Variants in SRRM4 observed in about 807,000 individuals in gnomAD.
SRRM4 encodes serine/arginine repetitive matrix protein 4.
SRRM4 carries 33 observed loss-of-function variants against 68.9 expected under a neutral mutation model. That is an observed-to-expected ratio of 0.48 (90% CI 0.36 to 0.64). The LOEUF is 0.64. Among genes scored for constraint, SRRM4 ranks in the 30% least tolerant of loss-of-function variants. SRRM4 has a pLI of 0.00. For missense variants in SRRM4, 817 were observed against 827.1 expected, an observed-to-expected ratio of 0.99 and a Z score of 0.15; for synonymous variants, 318 against 318.8, an observed-to-expected ratio of 1.00 and a Z score of 0.03.
intron 1 of SRRM4, among the ~76,000 whole-genome samples, chr12:119,078,736 G>C (rs143001774): frequency 6.6e-6 from 1 of 152,106 alleles, no homozygotes. Flanking sequence ...CCTGGGCAAT[G>C]TAGTGTGACC....
chr12:119,141,168 C>T (rs1954362751), intron 8 of SRRM4, among the ~76,000 whole-genome samples: 1 of 152,216 alleles, frequency 6.6e-6, no homozygotes, highest in Non-Finnish European at 1.5e-5. Context: ...GTCTCGAACT[C>T]CTGACCTCAA....
At chr12:119,092,958 A>G (rs1294101268) in intron 1 of SRRM4, among the ~76,000 whole-genome samples, 1 of 152,136 alleles carries the variant, frequency 6.6e-6, no homozygotes, top group Non-Finnish European at 1.5e-5. Flanking sequence ...TCTTCACTGC[A>G]TTCCATATGT....
At chr12:118,997,090 A>C (rs1377191530) in intron 1 of SRRM4, among the ~76,000 whole-genome samples, 1 of 152,170 alleles carries the variant, frequency 6.6e-6, no homozygotes, top group Non-Finnish European at 1.5e-5. Flanking sequence ...AAAAGGAAAA[A>C]CCCTTCAAGA....
chr12:119,099,394 G>A (rs1410844836), intron 1 of SRRM4, among the ~76,000 whole-genome samples: 8 of 151,876 alleles, frequency 5.3e-5, no homozygotes, highest in Non-Finnish European at 1.2e-4. Flanking sequence ...TCGGCCTCCC[G>A]AAGTGCTGGG....
In SRRM4 at chr12:119,154,369, C is replaced by T. The variant is rs762322042; in HGVS notation, c.1518C>T (p.Ala506=). Reference sequence around the variant, plus strand: ...GAGACTCCCCGAGCCACCTGGAGGCCCGGAGGATAACCAGGTGAGGCCAGG... The same window carrying T: ...GAGACTCCCCGAGCCACCTGGAGGCTCGGAGGATAACCAGGTGAGGCCAGG... ...RRRDSPSHLE[A]RRITSARKRP... Residue 506 remains alanine, a synonymous_variant, in exon 12 of 13, where the codon GCC becomes GCT. Coordinates refer to ENST00000267260, the MANE Select transcript of SRRM4 (RefSeq NM_194286.4). The surrounding 1 kb of genome is among the most constrained non-coding windows in gnomAD (Gnocchi z 4.7). The T allele has an allele frequency of 1.2e-6, 2 of 1,612,958 alleles. No individual in the cohort carries two copies. Among genetic ancestry groups the T allele is most frequent in the Non-Finnish European group, 8.5e-7 (1 of 1,179,760 alleles).
chr12:119,071,775 G>A (rs181271025), intron 1 of SRRM4, among the ~76,000 whole-genome samples: 6 of 152,146 alleles, frequency 3.9e-5, no homozygotes, highest in South Asian at 4.1e-4. Context: ...TCATCATGCC[G>A]CACGCCGTTG....
chr12:119,147,032 T>C (rs113155098), intron 9 of SRRM4, among the ~76,000 whole-genome samples: 2,498 of 152,328 alleles, frequency 0.016, 80 homozygotes, highest in African/African-American at 0.057. Context: ...CAGCTTTATT[T>C]GTAATTGCTA....
At chr12:119,088,356 C>G (rs1953992280) in intron 1 of SRRM4, among the ~76,000 whole-genome samples, 2 of 152,120 alleles carry the variant, frequency 1.3e-5, no homozygotes. Flanking sequence ...CATGCACCCC[C>G]CTCAACGGTG....
chr12:119,127,414 A>G (rs902922070), intron 7 of SRRM4, among the ~76,000 whole-genome samples: 4 of 152,110 alleles, frequency 2.6e-5, no homozygotes, highest in Non-Finnish European at 5.9e-5. Context: ...TTTCCCAAAT[A>G]AAGCAGAATA....
At chr12:119,013,738 T>C (rs1244901861) in intron 1 of SRRM4, among the ~76,000 whole-genome samples, 1 of 152,220 alleles carries the variant, frequency 6.6e-6, no homozygotes, top group African/African-American at 2.4e-5. Context: ...CAATATCCTA[T>C]TGATTTATAA....
chr12:119,100,791 G>A (rs1275474308), intron 1 of SRRM4, among the ~76,000 whole-genome samples: 2 of 152,174 alleles, frequency 1.3e-5, no homozygotes, highest in African/African-American at 4.8e-5. Context: ...AGATAAATGG[G>A]CAGAAGTAAA....
At chr12:118,999,702 T>C (rs139817476) in intron 1 of SRRM4, among the ~76,000 whole-genome samples, 544 of 152,320 alleles carry the variant, frequency 3.6e-3, no homozygotes, top group Non-Finnish European at 6.4e-3. Context: ...AATATTCTTA[T>C]AGCTATTTTG....
At chr12:118,992,635 C>T (rs1257552882) in intron 1 of SRRM4, among the ~76,000 whole-genome samples, 2 of 152,168 alleles carry the variant, frequency 1.3e-5, no homozygotes, top group East Asian at 1.9e-4. Flanking sequence ...GCTGCAGGAA[C>T]GAGAGGCCAT....
intron 1 of SRRM4, among the ~76,000 whole-genome samples, chr12:118,991,347 C>T (rs1283074006): frequency 6.6e-6 from 1 of 152,242 alleles, no homozygotes; most frequent in Non-Finnish European, 1.5e-5. Context: ...ACCTACTCCA[C>T]TTTCCAGAGC....
chr12:119,011,079 A>T (rs1197356921), intron 1 of SRRM4, among the ~76,000 whole-genome samples: 1 of 152,242 alleles, frequency 6.6e-6, no homozygotes, highest in Non-Finnish European at 1.5e-5. Flanking sequence ...ACAGCATCAC[A>T]TATGAAGAAG....
At chr12:118,999,482 C>G (rs1446771828) in intron 1 of SRRM4, among the ~76,000 whole-genome samples, 1 of 152,190 alleles carries the variant, frequency 6.6e-6, no homozygotes, top group African/African-American at 2.4e-5. Context: ...GGTGATTTAT[C>G]TTATCTGCAG....
At chr12:119,084,968 T>A (rs1274569490) in intron 1 of SRRM4, among the ~76,000 whole-genome samples, 2 of 152,246 alleles carry the variant, frequency 1.3e-5, no homozygotes, top group African/African-American at 4.8e-5. Context: ...TGGTGCGATC[T>A]TGGCTCACTG....
intron 1 of SRRM4, among the ~76,000 whole-genome samples, chr12:119,045,812 C>T (rs1040724092): frequency 1.6e-4 from 25 of 151,820 alleles, no homozygotes; most frequent in African/African-American, 4.1e-4. Context: ...CCAAGGTGGG[C>T]GGATCACCTG....
chr12:118,987,313 G>A (rs1565883780), intron 1 of SRRM4, among the ~76,000 whole-genome samples: 1 of 152,256 alleles, frequency 6.6e-6, no homozygotes, highest in East Asian at 1.9e-4. Context: ...TATGCCAGGG[G>A]CTACCCAACG....
Sources: allele counts gnomAD v4.1 joint callset (sites outside exome capture counted in the v4.1 genomes callset), GRCh38; gene constraint gnomAD v4.1.1; non-coding constraint Gnocchi (gnomAD v3.1); transcripts MANE v1.5; gene names NCBI Gene and HGNC (gene_info 2026-07-23, HGNC 2026-07-21).